CNTNAP2: variants seen among roughly 807,000 people sequenced by gnomAD.
CNTNAP2 encodes contactin-associated protein-like 2.
In CNTNAP2, 98 loss-of-function variants were observed where a neutral mutation model predicts 155.2. That is an observed-to-expected ratio of 0.63 (90% CI 0.54 to 0.75). The LOEUF is 0.75. Ranked by LOEUF, CNTNAP2 falls within the 30% of genes least tolerant of loss-of-function variation. The pLI is 0.00. For missense variants in CNTNAP2, 1,727 were observed against 1,688.1 expected (o/e 1.02, Z -0.40); for synonymous variants, 651 against 631.2 (o/e 1.03, Z -0.47).
At chr7:147,659,046 T>C (rs989060438) in intron 13 of CNTNAP2, among the ~76,000 whole-genome samples, 22 of 152,288 alleles carry the variant, frequency 1.4e-4, no homozygotes, top group African/African-American at 5.1e-4. Context: ...TGTTTTCCAA[T>C]CCTACATCTC....
chr7:148,131,580 C>T (rs555458895), intron 16 of CNTNAP2, among the ~76,000 whole-genome samples: 14 of 152,074 alleles, frequency 9.2e-5, no homozygotes, highest in Non-Finnish European at 1.3e-4. Context: ...CTGAGACAGA[C>T]GGAAGAAAGA....
chr7:147,368,664 G>A (rs1301922577), intron 9 of CNTNAP2, among the ~76,000 whole-genome samples: 1 of 152,086 alleles, frequency 6.6e-6, no homozygotes, highest in Non-Finnish European at 1.5e-5. Context: ...TTTTTAACAT[G>A]GAAGTCTTCA....
At chr7:147,312,231 C>T (rs1290959574) in intron 9 of CNTNAP2, among the ~76,000 whole-genome samples, 2 of 151,984 alleles carry the variant, frequency 1.3e-5, no homozygotes, top group Admixed American at 6.6e-5. Flanking sequence ...AAAATATTTT[C>T]TACTCCTCCT....
intron 3 of CNTNAP2, among the ~76,000 whole-genome samples, chr7:146,986,532 G>C (rs936093552): frequency 6.6e-6 from 1 of 152,142 alleles, no homozygotes; most frequent in Non-Finnish European, 1.5e-5. Context: ...TAGTGGAATT[G>C]CTGGATCAAA....
chr7:147,062,241 T>C (rs184121597), intron 4 of CNTNAP2, among the ~76,000 whole-genome samples: 192 of 148,558 alleles, frequency 1.3e-3, no homozygotes, highest in African/African-American at 4.6e-3. Context: ...CAATATCACA[T>C]TAAAAAAGCA....
At chr7:146,144,500 C>CA (rs1410265130) in intron 1 of CNTNAP2, among the ~76,000 whole-genome samples, 1 of 152,088 alleles carries the variant, frequency 6.6e-6, no homozygotes, top group Non-Finnish European at 1.5e-5. Context: ...ACAACAACAA[C>CA]AAAAAATTTC....
Position 148,265,259 on chromosome 7 carries a change from C to T in CNTNAP2, c.3382-1774C>T, listed in dbSNP as rs77971111. ...TTTTAAATATTTAAGATTATCTGAA[C>T]GGAATAAGTGTTTTTGTTTGTTTGT... On this transcript the variant is annotated intron_variant, in intron 20 of 23. Coordinates refer to ENST00000361727, the MANE Select transcript of CNTNAP2 (RefSeq NM_014141.6). 8.9e-4 allele frequency among the ~76,000 whole-genome samples: 136 copies of T among 152,140 alleles called. 2 individuals are homozygous for T. In the East Asian group the frequency reaches 0.017, roughly 19 times the overall value.
intron 13 of CNTNAP2, among the ~76,000 whole-genome samples, chr7:147,689,034 C>A (rs994705281): frequency 9.2e-5 from 14 of 151,878 alleles, no homozygotes; most frequent in African/African-American, 3.4e-4. Flanking sequence ...GTTTCTGGAT[C>A]TTATTTAACC....
Position 146,687,057 on chromosome 7 carries a change from G to A in CNTNAP2, c.98-87214G>A, listed in dbSNP as rs546866449. On this transcript the variant is annotated intron_variant, in intron 1 of 23. Coordinates refer to ENST00000361727, the MANE Select transcript of CNTNAP2 (RefSeq NM_014141.6). Reference sequence around the variant, plus strand: ...TCTGAGCGAGGTGCATGAGGTACCTGAGAGATCACTATTATTGTGTCATTG... The same window carrying A: ...TCTGAGCGAGGTGCATGAGGTACCTAAGAGATCACTATTATTGTGTCATTG... 1.4e-3 allele frequency among the ~76,000 whole-genome samples: 208 copies of A among 152,276 alleles called. 9 individuals carry two copies. The South Asian group carries it at 0.04, about 29-fold the overall frequency.
At chr7:147,004,212 C>CAAAAAA (rs71525979) in intron 3 of CNTNAP2, among the ~76,000 whole-genome samples, 24 of 97,622 alleles carry the variant, frequency 2.5e-4, no homozygotes, top group East Asian at 9.3e-4. Flanking sequence ...ACTCATATAC[C>CAAAAAA]AAAAAAAAAA....
At chr7:147,915,826 G>T (rs1025186684) in intron 14 of CNTNAP2, among the ~76,000 whole-genome samples, 2 of 152,110 alleles carry the variant, frequency 1.3e-5, no homozygotes, top group African/African-American at 4.8e-5. Flanking sequence ...ATGTGTTTCA[G>T]TATTAGAGCA....
At chr7:147,695,933 C>T (rs1796154415) in intron 13 of CNTNAP2, among the ~76,000 whole-genome samples, 2 of 152,168 alleles carry the variant, frequency 1.3e-5, no homozygotes, top group Admixed American at 6.5e-5. Flanking sequence ...ATGTAATGCT[C>T]CACTTTCCTG....
At chr7:147,325,352 C>A (rs1795434685) in intron 9 of CNTNAP2, among the ~76,000 whole-genome samples, 5 of 152,090 alleles carry the variant, frequency 3.3e-5, no homozygotes, top group Admixed American at 1.3e-4. Flanking sequence ...ACTAACTAAA[C>A]ACAACTTATT....
intron 15 of CNTNAP2, among the ~76,000 whole-genome samples, chr7:148,013,781 T>A (rs1042174993): frequency 1.3e-5 from 2 of 152,058 alleles, no homozygotes; most frequent in Non-Finnish European, 2.9e-5. Context: ...GGACAGCAAA[T>A]AAGTTTGATG....
chr7:146,250,973 T>C (rs1009854543), intron 1 of CNTNAP2, among the ~76,000 whole-genome samples: 3 of 152,228 alleles, frequency 2.0e-5, no homozygotes, highest in Non-Finnish European at 2.9e-5. Flanking sequence ...ATTTTCTTAC[T>C]GTGAGAGTCA....
intron 4 of CNTNAP2, among the ~76,000 whole-genome samples, chr7:147,069,105 C>T (rs1799841756): frequency 6.6e-6 from 1 of 152,026 alleles, no homozygotes; most frequent in African/African-American, 2.4e-5. Flanking sequence ...AAATATAGAG[C>T]AAGAATTCAC....
chr7:147,694,380 T>C (rs913197819), intron 13 of CNTNAP2, among the ~76,000 whole-genome samples: 1 of 152,136 alleles, frequency 6.6e-6, no homozygotes, highest in Non-Finnish European at 1.5e-5. Flanking sequence ...ACATATTCTC[T>C]CTGCTTCTAC....
At chr7:148,131,709 G>C (rs1266268688) in intron 16 of CNTNAP2, among the ~76,000 whole-genome samples, 1 of 152,162 alleles carries the variant, frequency 6.6e-6, no homozygotes, top group African/African-American at 2.4e-5. Context: ...GGAGCTAACA[G>C]TATCTCCATA....
At chr7:148,345,039 G>A (rs1051174911) in intron 21 of CNTNAP2, among the ~76,000 whole-genome samples, 1 of 152,164 alleles carries the variant, frequency 6.6e-6, no homozygotes, top group African/African-American at 2.4e-5. Context: ...CAGTTAGGAG[G>A]GCCACATGGT....
Sources: allele counts gnomAD v4.1 joint callset (sites outside exome capture counted in the v4.1 genomes callset), GRCh38; gene constraint gnomAD v4.1.1; transcripts MANE v1.5; gene names NCBI Gene and HGNC (gene_info 2026-07-23, HGNC 2026-07-21).